Variants in ADAMTSL1 observed in about 807,000 individuals in gnomAD.
The protein encoded by ADAMTSL1 is ADAMTS-like protein 1.
A neutral mutation model predicts 201.8 loss-of-function variants in ADAMTSL1; 126 were observed. The observed-to-expected ratio is 0.62, with a 90% CI of 0.54 to 0.72. ADAMTSL1 has a LOEUF of 0.72. Among genes scored for constraint, ADAMTSL1 ranks in the 30% least tolerant of loss-of-function variants. The pLI is 0.00. For synonymous variants in ADAMTSL1, 1,121 were observed against 903.4 expected (o/e 1.24, Z -4.32); for missense variants, 2,679 against 2,277.8 (o/e 1.18, Z -3.59).
rs539486915 is a variant in ADAMTSL1, at chr9:18,854,898, C to T, written c.4249+24921C>T. On this transcript the variant is annotated intron_variant, in intron 23 of 28. Transcript: ENST00000380548. ...CTCCAAAGAAATATAAAATTATTGA[C>T]GAAGGTTATAATTGTAAATTATTTT... 1.1e-4 allele frequency among the ~76,000 whole-genome samples: 17 copies of T among 152,210 alleles called. No individual in the cohort carries two copies. In the South Asian group the frequency reaches 1.2e-3, roughly 11 times the overall value.
At chr9:18,654,136 G>C (rs1828474582) in intron 7 of ADAMTSL1, among the ~76,000 whole-genome samples, 1 of 152,248 alleles carries the variant, frequency 6.6e-6, no homozygotes. Flanking sequence ...GGTTGAGGCA[G>C]GAAAATTGCT....
At chr9:18,409,933 T>A (rs1349963324) in intron 2 of ADAMTSL1, among the ~76,000 whole-genome samples, 1 of 151,388 alleles carries the variant, frequency 6.6e-6, no homozygotes, top group Non-Finnish European at 1.5e-5. Context: ...TTTACTCTCT[T>A]CAAACTATAC....
At chr9:18,318,468 C>T (rs1395826370) in intron 2 of ADAMTSL1, among the ~76,000 whole-genome samples, 2 of 152,210 alleles carry the variant, frequency 1.3e-5, no homozygotes, top group East Asian at 3.8e-4. Flanking sequence ...TACGTTTCAG[C>T]AAGCCTTTCA....
chr9:18,783,877 T>G (rs1821546837), intron 19 of ADAMTSL1, among the ~76,000 whole-genome samples: 1 of 152,260 alleles, frequency 6.6e-6, no homozygotes, highest in Admixed American at 6.5e-5. Flanking sequence ...TACTGCCTCC[T>G]GCTCTAGACC....
chr9:18,722,989 A>G (rs745380681), intron 15 of ADAMTSL1: 4 of 776,158 alleles, frequency 5.2e-6, no homozygotes, highest in Non-Finnish European at 7.2e-6. Flanking sequence ...CAACTTTTCT[A>G]TTTGACTACA....
At chr9:18,878,896 T>C (rs971167736) in intron 23 of ADAMTSL1, among the ~76,000 whole-genome samples, 1 of 151,910 alleles carries the variant, frequency 6.6e-6, no homozygotes, top group Non-Finnish European at 1.5e-5. Flanking sequence ...CTGCAGGGAG[T>C]GGGAGGTGCC....
chr9:18,008,555 A>C (rs1254518872), intron 1 of ADAMTSL1, among the ~76,000 whole-genome samples: 1 of 151,930 alleles, frequency 6.6e-6, no homozygotes, highest in African/African-American at 2.4e-5. Context: ...CAAATTACTC[A>C]TGCAGAAGGA....
intron 13 of ADAMTSL1, among the ~76,000 whole-genome samples, chr9:18,693,909 A>G (rs1831390481): frequency 6.6e-6 from 1 of 152,166 alleles, no homozygotes; most frequent in Non-Finnish European, 1.5e-5. Flanking sequence ...TGCTGTAAAG[A>G]GCTGTCTGAG....
At position 18,908,615 on chromosome 9, in the gene ADAMTSL1, A is replaced by G; in HGVS notation, c.*67A>G. The G allele has an allele frequency of 1.0e-5, 13 of 1,260,470 alleles. No homozygotes were observed. The highest frequency in any genetic ancestry group is 1.4e-5 in the Non-Finnish European group (13 of 904,982). The allele number at this position is 1,260,470 out of a possible 1,614,324, so 78.1% of individuals were successfully genotyped here. ...GACTCACGCAACCACCTCGGACAGAACCTAAGCTTTCTTCATTTTATTTAT... is the reference window on the plus strand; with the variant it reads ...GACTCACGCAACCACCTCGGACAGAGCCTAAGCTTTCTTCATTTTATTTAT... On this transcript the variant is annotated 3_prime_UTR_variant, in exon 29 of 29. Transcript: ENST00000380548.
At chr9:18,332,759 G>A (rs1835084579) in intron 2 of ADAMTSL1, among the ~76,000 whole-genome samples, 1 of 152,154 alleles carries the variant, frequency 6.6e-6, no homozygotes, top group Non-Finnish European at 1.5e-5. Context: ...AGGTGAAACT[G>A]CAGGCATTGT....
chr9:18,178,117 G>T (rs1253850458), intron 2 of ADAMTSL1, among the ~76,000 whole-genome samples: 1 of 152,200 alleles, frequency 6.6e-6, no homozygotes, highest in Non-Finnish European at 1.5e-5. Flanking sequence ...TGAGGTAGCG[G>T]GTTCATCTCA....
Position 18,622,375 on chromosome 9 carries a change from A to G in ADAMTSL1, c.601+6A>G. ...CCAGCTCTCCGCAACCAAATGTAAG[A>G]CACACAGAGATGGGCGACCTTTGGA... On this transcript the variant is annotated splice_donor_region_variant and intron_variant, in intron 5 of 28. Transcript: ENST00000380548. 6.2e-7 allele frequency: 1 copy of G among 1,614,000 alleles called. No individual in the cohort carries two copies. The highest frequency in any genetic ancestry group is 8.5e-7 in the Non-Finnish European group (1 of 1,179,924).
intron 1 of ADAMTSL1, among the ~76,000 whole-genome samples, chr9:17,969,657 C>G (rs1437309878): frequency 2.0e-5 from 3 of 151,906 alleles, no homozygotes; most frequent in South Asian, 4.2e-4. Context: ...ACTAAATGAG[C>G]TAGAACACCT....
intron 1 of ADAMTSL1, among the ~76,000 whole-genome samples, chr9:18,030,297 A>G (rs1203417628): frequency 1.3e-5 from 2 of 152,140 alleles, no homozygotes; most frequent in East Asian, 1.9e-4. Context: ...TATCGCAAGG[A>G]CAAAAAACCA....
At chr9:18,020,499 T>G (rs544053124) in intron 1 of ADAMTSL1, among the ~76,000 whole-genome samples, 43 of 152,074 alleles carry the variant, frequency 2.8e-4, no homozygotes, top group African/African-American at 9.6e-4. Flanking sequence ...AAAGAGATCT[T>G]CCCTTCTTCC....
chr9:18,272,480 G>A (rs1832414512), intron 2 of ADAMTSL1, among the ~76,000 whole-genome samples: 1 of 152,160 alleles, frequency 6.6e-6, no homozygotes, highest in Admixed American at 6.5e-5. Context: ...AGACTTAAAT[G>A]TTAGACCTAA....
chr9:18,036,652 G>A (rs899412187), intron 1 of ADAMTSL1, among the ~76,000 whole-genome samples: 4 of 152,060 alleles, frequency 2.6e-5, no homozygotes, highest in African/African-American at 9.7e-5. Context: ...ACACATACTG[G>A]GGAAGCAAAG....
intron 7 of ADAMTSL1, among the ~76,000 whole-genome samples, chr9:18,655,436 G>C (rs1564123264): frequency 6.6e-6 from 1 of 152,038 alleles, no homozygotes; most frequent in East Asian, 1.9e-4. Flanking sequence ...AACATAAGGA[G>C]GTCAAAATTA....
chr9:18,583,328 C>T (rs918583655), intron 4 of ADAMTSL1, among the ~76,000 whole-genome samples: 2 of 152,196 alleles, frequency 1.3e-5, no homozygotes, highest in Non-Finnish European at 2.9e-5. Context: ...GTGCAAGCCC[C>T]ATACCTTAGC....
Sources: allele counts gnomAD v4.1 joint callset (sites outside exome capture counted in the v4.1 genomes callset), GRCh38; gene constraint gnomAD v4.1.1; transcripts MANE v1.5; gene names NCBI Gene and HGNC (gene_info 2026-07-23, HGNC 2026-07-21).